MARCHF3: variants seen among roughly 807,000 people sequenced by gnomAD.
MARCHF3 encodes the protein membrane associated ring-CH-type finger 3.
A neutral mutation model predicts 24.2 loss-of-function variants in MARCHF3; 13 were observed. The ratio of observed to expected loss-of-function variants is 0.54; its 90% CI spans 0.35 to 0.85. The LOEUF (loss-of-function observed/expected upper bound fraction) is 0.85, where lower values mean the gene tolerates loss of function less well. Ranked by LOEUF, MARCHF3 falls within the 40% of genes least tolerant of loss-of-function variation. MARCHF3 has a pLI of 0.01. For synonymous variants in MARCHF3, 144 were observed against 137.3 expected (o/e 1.05, Z -0.34); for missense variants, 276 against 325.0 (o/e 0.85, Z 1.16).
At chr5:127,014,723 T>A (rs949062823) in intron 1 of MARCHF3, among the ~76,000 whole-genome samples, 1 of 152,108 alleles carries the variant, frequency 6.6e-6, no homozygotes, top group Non-Finnish European at 1.5e-5. Flanking sequence ...CTAAACACCA[T>A]ATGTTCTCAC....
At chr5:127,006,556 A>AT (rs1752318830) in intron 1 of MARCHF3, among the ~76,000 whole-genome samples, 1 of 152,212 alleles carries the variant, frequency 6.6e-6, no homozygotes, top group African/African-American at 2.4e-5. Context: ...TACGTTTAGT[A>AT]TTTTAAAAAA....
intron 1 of MARCHF3, among the ~76,000 whole-genome samples, chr5:126,937,876 A>G (rs560731258): frequency 1.3e-5 from 2 of 152,346 alleles, no homozygotes; most frequent in Admixed American, 1.3e-4. Context: ...TGACAAGCAT[A>G]TTCCACAAAA....
chr5:126,912,639 A>G (rs963000863), intron 3 of MARCHF3, among the ~76,000 whole-genome samples: 1 of 152,236 alleles, frequency 6.6e-6, no homozygotes, highest in Non-Finnish European at 1.5e-5. Flanking sequence ...CTCACTAGGA[A>G]TAAACTGCCC....
chr5:127,008,291 C>A lies in MARCHF3; in HGVS notation c.-57+22059G>T, dbSNP rs1227292996. ...CACTGGCCCTCATTGTTTGATTGCT[C>A]GAAGAACTCCTGGATAATCCCCAAA... is the stretch of plus-strand genomic sequence containing the variant. On this transcript the variant is annotated intron_variant, in intron 1 of 4. Coordinates refer to ENST00000308660, the MANE Select transcript of MARCHF3 (RefSeq NM_178450.5). Among the ~76,000 whole-genome samples the A allele has an allele frequency of 2.0e-5, 3 of 152,106 alleles. No individual in the cohort carries two copies. In the East Asian group the frequency reaches 5.8e-4, roughly 29 times the overall value.
At chr5:126,947,197 G>A (rs1424958474) in intron 1 of MARCHF3, among the ~76,000 whole-genome samples, 1 of 152,090 alleles carries the variant, frequency 6.6e-6, no homozygotes, top group Non-Finnish European at 1.5e-5. Context: ...ATATGCAACT[G>A]GCACTAGATT....
intron 3 of MARCHF3, among the ~76,000 whole-genome samples, chr5:126,889,647 T>A (rs1753614000): frequency 6.6e-6 from 1 of 152,170 alleles, no homozygotes. Context: ...AGAGGAACTC[T>A]TGGATTTGCA....
At chr5:126,904,438 A>G (rs950517755) in intron 3 of MARCHF3, among the ~76,000 whole-genome samples, 2 of 147,080 alleles carry the variant, frequency 1.4e-5, no homozygotes, top group Non-Finnish European at 3.0e-5. Flanking sequence ...CAACAGTGTA[A>G]AAGTGTTCCT....
At chr5:126,975,000 A>G (rs575643130) in intron 1 of MARCHF3, among the ~76,000 whole-genome samples, 28 of 152,330 alleles carry the variant, frequency 1.8e-4, no homozygotes, top group African/African-American at 4.8e-4. Flanking sequence ...CTCTGTCACC[A>G]CACTGGAGTG....
At chr5:126,905,694 A>G (rs1356886400) in intron 3 of MARCHF3, among the ~76,000 whole-genome samples, 1 of 151,990 alleles carries the variant, frequency 6.6e-6, no homozygotes, top group South Asian at 2.1e-4. Context: ...GAAGTTGCTT[A>G]TCAGCTTAAG....
intron 1 of MARCHF3, among the ~76,000 whole-genome samples, chr5:126,961,976 G>A (rs566104530): frequency 6.6e-6 from 1 of 152,290 alleles, no homozygotes; most frequent in African/African-American, 2.4e-5. Flanking sequence ...AAGCTTGAGA[G>A]TGATAATGCT....
At chr5:126,879,375 G>A (rs1038958785) in intron 3 of MARCHF3, among the ~76,000 whole-genome samples, 5 of 152,060 alleles carry the variant, frequency 3.3e-5, no homozygotes, top group Admixed American at 6.5e-5. Flanking sequence ...TACCAAACAC[G>A]GAATAATACT....
chr5:127,015,635 A>T (rs1359964001), intron 1 of MARCHF3, among the ~76,000 whole-genome samples: 8 of 152,204 alleles, frequency 5.3e-5, no homozygotes, highest in African/African-American at 9.7e-5. Context: ...CTAAAATCTG[A>T]GGTAAAGCTA....
chr5:126,899,119 T>A, intron 3 of MARCHF3: 1 of 985,286 alleles, frequency 1.0e-6, no homozygotes, highest in Non-Finnish European at 1.2e-6. Context: ...TCCCAAACAA[T>A]CTCACAGCGT....
intron 1 of MARCHF3, among the ~76,000 whole-genome samples, chr5:127,001,202 C>T (rs1211111357): frequency 6.6e-6 from 1 of 151,776 alleles, no homozygotes; most frequent in East Asian, 2.0e-4. Context: ...TGTGCCACTG[C>T]ACTCCAGCCT....
Position 126,905,455 on chromosome 5 carries a change from T to C in MARCHF3, c.393+9475A>G, listed in dbSNP as rs1273738433. On this transcript the variant is annotated intron_variant, in intron 3 of 4. Transcript: ENST00000308660. ...ATTCTTCCTACCCATGAGCATGGAA[T>C]GTTCTTCCATTTGTTTGTATCCTCT... Among the ~76,000 whole-genome samples, 140 of 148,826 alleles carry C rather than the reference T, an allele frequency of 9.4e-4. 3 individuals are homozygous for C. The highest frequency in any genetic ancestry group is 3.1e-3 in the African/African-American group (123 of 39,724).
chr5:126,886,739 G>C (rs1005913014), intron 3 of MARCHF3, among the ~76,000 whole-genome samples: 1 of 152,092 alleles, frequency 6.6e-6, no homozygotes, highest in East Asian at 1.9e-4. Context: ...ATCCACTGCA[G>C]AACACGAGAT....
intron 1 of MARCHF3, among the ~76,000 whole-genome samples, chr5:127,009,746 C>T (rs553021979): frequency 6.6e-6 from 1 of 152,220 alleles, no homozygotes; most frequent in Admixed American, 6.5e-5. Context: ...AAGTATGAAA[C>T]CTATTGGTGA....
intron 1 of MARCHF3, among the ~76,000 whole-genome samples, chr5:127,011,097 T>TAACTTC (rs1204310690): frequency 6.6e-6 from 1 of 152,232 alleles, no homozygotes; most frequent in Non-Finnish European, 1.5e-5. Flanking sequence ...TTCATACTAC[T>TAACTTC]AACTTCCTCT....
chr5:126,936,292 C>T (rs530395844), intron 1 of MARCHF3, among the ~76,000 whole-genome samples: 1 of 152,280 alleles, frequency 6.6e-6, no homozygotes, highest in African/African-American at 2.4e-5. Context: ...CAAACAAGGA[C>T]TTATGCACGA....
Sources: allele counts gnomAD v4.1 joint callset (sites outside exome capture counted in the v4.1 genomes callset), GRCh38; gene constraint gnomAD v4.1.1; transcripts MANE v1.5; gene names NCBI Gene and HGNC (gene_info 2026-07-23, HGNC 2026-07-21).